The following RAVER2 variants were observed in gnomAD, a reference collection of about 807,000 sequenced individuals.
RAVER2 encodes the protein ribonucleoprotein PTB-binding 2.
Under a neutral mutation model 78.1 loss-of-function variants are expected in RAVER2, and 46 were observed. That is an observed-to-expected ratio of 0.59 (90% CI 0.46 to 0.75). RAVER2 has a LOEUF of 0.75. Among genes scored for constraint, RAVER2 ranks in the 30% least tolerant of loss-of-function variants. RAVER2 has a pLI of 0.00. For missense variants in RAVER2, 793 were observed against 837.5 expected (o/e 0.95, Z 0.66); for synonymous variants, 311 against 313.3 (o/e 0.99, Z 0.08).
chr1:64,813,466 A>G (rs770441259), intron 10 of RAVER2, among the ~76,000 whole-genome samples: 2 of 152,244 alleles, frequency 1.3e-5, no homozygotes, highest in African/African-American at 2.4e-5. Flanking sequence ...AAATATATGC[A>G]TAAAATGATT....
chr1:64,750,502 G>T (rs949968424), intron 1 of RAVER2, among the ~76,000 whole-genome samples: 2 of 151,432 alleles, frequency 1.3e-5, no homozygotes, highest in Non-Finnish European at 2.9e-5. Context: ...GTAGAGACAC[G>T]GTCTCTCTAT....
At chr1:64,751,239 T>G (rs1170361632) in intron 1 of RAVER2, among the ~76,000 whole-genome samples, 3 of 152,218 alleles carry the variant, frequency 2.0e-5, no homozygotes, top group Non-Finnish European at 4.4e-5. Flanking sequence ...AGGTTAGCAT[T>G]TTAGCCTCTA....
At chr1:64,798,385 C>T (rs12140514) in intron 5 of RAVER2, among the ~76,000 whole-genome samples, 9,949 of 141,748 alleles carry the variant, frequency 0.07, 438 homozygotes, top group Non-Finnish European at 0.096. Context: ...AATAAACATA[C>T]GTGTGCATGT....
At chr1:64,780,389 G>A (rs1570549118) in intron 3 of RAVER2, among the ~76,000 whole-genome samples, 2 of 152,242 alleles carry the variant, frequency 1.3e-5, no homozygotes, top group East Asian at 3.9e-4. Flanking sequence ...TTTGTTGACA[G>A]TTTTTAAAGG....
chr1:64,802,414 T>C (rs960395793), intron 5 of RAVER2, among the ~76,000 whole-genome samples: 22 of 152,222 alleles, frequency 1.4e-4, no homozygotes, highest in African/African-American at 4.8e-4. Context: ...AAACATCCCT[T>C]TTGAAATGTA....
At chr1:64,791,074 C>T (rs926627315) in intron 5 of RAVER2, among the ~76,000 whole-genome samples, 1 of 152,138 alleles carries the variant, frequency 6.6e-6, no homozygotes, top group Non-Finnish European at 1.5e-5. Flanking sequence ...AAGCACTATG[C>T]TTATGAATAC....
intron 5 of RAVER2, among the ~76,000 whole-genome samples, chr1:64,791,698 A>G (rs890957387): frequency 6.6e-6 from 1 of 152,088 alleles, no homozygotes; most frequent in Non-Finnish European, 1.5e-5. Flanking sequence ...TTTTGTCTTG[A>G]CAACATGAAG....
At chr1:64,790,940 CT>C (rs1456267892) in intron 5 of RAVER2, among the ~76,000 whole-genome samples, 12 of 152,276 alleles carry the variant, frequency 7.9e-5, no homozygotes, top group Admixed American at 5.2e-4. Flanking sequence ...CACTTTAGAC[CT>C]AGACACAAGT....
chr1:64,818,775 G>T (rs1653815422), intron 11 of RAVER2, among the ~76,000 whole-genome samples: 1 of 152,126 alleles, frequency 6.6e-6, no homozygotes, highest in Non-Finnish European at 1.5e-5. Flanking sequence ...CTGTTAGCAA[G>T]GCTGTTAAGT....
intron 4 of RAVER2, among the ~76,000 whole-genome samples, chr1:64,786,412 G>T (rs1278975545): frequency 1.3e-5 from 2 of 152,214 alleles, no homozygotes; most frequent in African/African-American, 4.8e-5. Context: ...TATTACAAGT[G>T]TTGATGCTTC....
chr1:64,760,516 GA>G (rs1317047384), intron 1 of RAVER2, among the ~76,000 whole-genome samples: 1 of 152,154 alleles, frequency 6.6e-6, no homozygotes, highest in African/African-American at 2.4e-5. Flanking sequence ...AAGACCTAAA[GA>G]CAAGGAAAAG....
At chr1:64,767,927 T>C (rs375044876) in intron 1 of RAVER2, among the ~76,000 whole-genome samples, 1 of 151,840 alleles carries the variant, frequency 6.6e-6, no homozygotes. Flanking sequence ...AAAAAAAAAG[T>C]TTAGGCTATG....
intron 6 of RAVER2, among the ~76,000 whole-genome samples, chr1:64,804,082 C>T (rs1170096527): frequency 6.6e-6 from 1 of 152,102 alleles, no homozygotes; most frequent in African/African-American, 2.4e-5. Flanking sequence ...TTGTTTTTTC[C>T]TCCTTTGGTC....
intron 9 of RAVER2, among the ~76,000 whole-genome samples, chr1:64,810,785 T>C (rs1653581952): frequency 6.6e-6 from 1 of 152,190 alleles, no homozygotes; most frequent in Non-Finnish European, 1.5e-5. Flanking sequence ...TTTGTTGTCA[T>C]TGCTCAGTTT....
chr1:64,814,238 T>C (rs902151838), intron 10 of RAVER2, among the ~76,000 whole-genome samples: 1 of 152,060 alleles, frequency 6.6e-6, no homozygotes, highest in Non-Finnish European at 1.5e-5. Context: ...GGGATTACAG[T>C]CATGCACCAC....
chr1:64,816,929 C>T (rs898341430), intron 11 of RAVER2, among the ~76,000 whole-genome samples: 1 of 152,210 alleles, frequency 6.6e-6, no homozygotes, highest in Admixed American at 6.5e-5. Flanking sequence ...TAAAGAGCTT[C>T]TGCACAGCAA....
At chr1:64,777,526 G>A (rs1235210343) in intron 2 of RAVER2, 97 bp from the exon 3 acceptor site, 28 of 969,366 alleles carry the variant, frequency 2.9e-5, no homozygotes, top group Non-Finnish European at 3.0e-6. Flanking sequence ...GAAAAAAGGT[G>A]TATGTTTATG....
intron 2 of RAVER2, among the ~76,000 whole-genome samples, chr1:64,776,019 C>CA (rs34578439): frequency 0.39 from 33,801 of 86,996 alleles, 4,941 homozygotes; most frequent in African/African-American, 0.48. Flanking sequence ...ACTCTTGTCT[C>CA]AAAAAAAAAA....
intron 9 of RAVER2, among the ~76,000 whole-genome samples, chr1:64,812,362 CAAAA>C (rs61411897): frequency 2.9e-4 from 20 of 70,052 alleles, no homozygotes; most frequent in East Asian, 6.5e-4. Flanking sequence ...ATTCCATCTC[CAAAA>C]AAAAAAAAAA....
Sources: allele counts gnomAD v4.1 joint callset (sites outside exome capture counted in the v4.1 genomes callset), GRCh38; gene constraint gnomAD v4.1.1; transcripts MANE v1.5; gene names NCBI Gene and HGNC (gene_info 2026-07-23, HGNC 2026-07-21).